NEGR1: variants seen among roughly 807,000 people sequenced by gnomAD.
NEGR1 encodes the protein IgLON family member 4.
NEGR1 carries 10 observed loss-of-function variants against 40.9 expected under a neutral mutation model. That is an observed-to-expected ratio of 0.24 (90% CI 0.15 to 0.42). The LOEUF is 0.42. NEGR1 is among the 10% of genes least tolerant of loss of function. The pLI, the probability that NEGR1 is intolerant of heterozygous loss-of-function variation, is 1.00. For synonymous variants in NEGR1, 185 were observed against 166.8 expected (o/e 1.11, Z -0.84); for missense variants, 352 against 438.9 (o/e 0.80, Z 1.77).
chr1:71,848,595 C>A (rs1157668825), intron 2 of NEGR1, among the ~76,000 whole-genome samples: 1 of 152,098 alleles, frequency 6.6e-6, no homozygotes, highest in African/African-American at 2.4e-5. Flanking sequence ...ATATTTAAGC[C>A]CACTGTTGAG....
chr1:71,828,602 T>C (rs1488959612), intron 2 of NEGR1, among the ~76,000 whole-genome samples: 1 of 151,920 alleles, frequency 6.6e-6, no homozygotes, highest in East Asian at 1.9e-4. Flanking sequence ...TTTCACTGTC[T>C]TTTCACTCTT....
intron 6 of NEGR1, among the ~76,000 whole-genome samples, chr1:71,528,865 T>A (rs1044286862): frequency 6.6e-5 from 10 of 151,218 alleles, no homozygotes; most frequent in African/African-American, 2.2e-4. Flanking sequence ...TTAAAAATGA[T>A]CTTAAAACAC....
intron 4 of NEGR1, among the ~76,000 whole-genome samples, chr1:71,694,622 T>A (rs1305500847): frequency 6.6e-6 from 1 of 151,750 alleles, no homozygotes; most frequent in Non-Finnish European, 1.5e-5. Context: ...GTGACAGGTA[T>A]GATGTTATTT....
At chr1:71,778,586 C>T (rs1291499628) in intron 2 of NEGR1, among the ~76,000 whole-genome samples, 2 of 152,042 alleles carry the variant, frequency 1.3e-5, no homozygotes, top group East Asian at 1.9e-4. Flanking sequence ...CATAGCAGTG[C>T]CCACTATTAA....
At chr1:72,278,894 A>G (rs1656153073) in intron 1 of NEGR1, among the ~76,000 whole-genome samples, 1 of 152,150 alleles carries the variant, frequency 6.6e-6, no homozygotes, top group Admixed American at 6.5e-5. Context: ...TATTTTAGAC[A>G]TCATATATTT....
intron 6 of NEGR1, among the ~76,000 whole-genome samples, chr1:71,445,402 G>C (rs1443528818): frequency 6.6e-6 from 1 of 151,064 alleles, no homozygotes; most frequent in Non-Finnish European, 1.5e-5. Flanking sequence ...AATTTTCTAT[G>C]GAGCCCTAGA....
At chr1:71,976,775 A>G (rs1234258957) in intron 1 of NEGR1, among the ~76,000 whole-genome samples, 1 of 152,160 alleles carries the variant, frequency 6.6e-6, no homozygotes, top group Non-Finnish European at 1.5e-5. Flanking sequence ...AATCTCACTG[A>G]CTCTAAAAGT....
At chr1:72,261,283 G>A (rs1003358577) in intron 1 of NEGR1, among the ~76,000 whole-genome samples, 2 of 151,788 alleles carry the variant, frequency 1.3e-5, no homozygotes, top group Non-Finnish European at 2.9e-5. Flanking sequence ...CCAACAGTGT[G>A]GTTTTAACAC....
intron 6 of NEGR1, among the ~76,000 whole-genome samples, chr1:71,489,156 A>G (rs957663518): frequency 2.0e-5 from 3 of 151,862 alleles, no homozygotes; most frequent in Non-Finnish European, 4.4e-5. Flanking sequence ...AAATGAGGCA[A>G]ATATTCCCTT....
At chr1:71,470,049 T>C (rs1447060016) in intron 6 of NEGR1, among the ~76,000 whole-genome samples, 1 of 152,112 alleles carries the variant, frequency 6.6e-6, no homozygotes, top group Non-Finnish European at 1.5e-5. Flanking sequence ...AATGTTTGTG[T>C]GAAATAAAGG....
intron 6 of NEGR1, among the ~76,000 whole-genome samples, chr1:71,503,265 T>A (rs1335154121): frequency 6.6e-6 from 1 of 152,100 alleles, no homozygotes; most frequent in Non-Finnish European, 1.5e-5. Flanking sequence ...AATAATAAAA[T>A]CCCATCCTCA....
At chr1:72,022,054 G>C (rs576999434) in intron 1 of NEGR1, among the ~76,000 whole-genome samples, 3 of 151,986 alleles carry the variant, frequency 2.0e-5, no homozygotes, top group Admixed American at 2.0e-4. Context: ...AGAATGGCGT[G>C]AACCCGGGAG....
At chr1:72,109,230 T>C (rs1218635122) in intron 1 of NEGR1, among the ~76,000 whole-genome samples, 2 of 151,634 alleles carry the variant, frequency 1.3e-5, no homozygotes, top group Admixed American at 6.6e-5. Flanking sequence ...AATATTAAAA[T>C]ACAGCTCCAA....
At chr1:72,070,998 T>C (rs1647440666) in intron 1 of NEGR1, among the ~76,000 whole-genome samples, 1 of 152,118 alleles carries the variant, frequency 6.6e-6, no homozygotes, top group Admixed American at 6.6e-5. Context: ...TTTGCATTTC[T>C]TTTATGTAGT....
chr1:71,628,545 C>T (rs1291130058), intron 4 of NEGR1, among the ~76,000 whole-genome samples: 1 of 151,962 alleles, frequency 6.6e-6, no homozygotes. Context: ...GGTATTTCTC[C>T]TAATGCTATC....
intron 6 of NEGR1, among the ~76,000 whole-genome samples, chr1:71,474,281 ATGTGTGTGTG>A (rs112956217): frequency 1.1e-4 from 16 of 143,644 alleles, no homozygotes; most frequent in East Asian, 1.1e-3. Flanking sequence ...AAACAGGAAA[ATGTGTGTGTG>A]TGTGTGTGTG....
At chr1:72,221,065 G>C (rs1002625904) in intron 1 of NEGR1, among the ~76,000 whole-genome samples, 1 of 151,934 alleles carries the variant, frequency 6.6e-6, no homozygotes, top group South Asian at 2.1e-4. Context: ...ATGTCAGCAT[G>C]GTTGGTTCTT....
intron 2 of NEGR1, among the ~76,000 whole-genome samples, chr1:71,867,768 A>T (rs906942230): frequency 1.3e-5 from 2 of 152,176 alleles, no homozygotes; most frequent in Non-Finnish European, 2.9e-5. Context: ...ATTTTCTATG[A>T]AGTAACTAGG....
chr1:71,803,347 A>C (rs2101750811), intron 2 of NEGR1, among the ~76,000 whole-genome samples: 1 of 152,310 alleles, frequency 6.6e-6, no homozygotes, highest in East Asian at 1.9e-4. Context: ...ATGAAGTCCT[A>C]TAAAAATAAC....
Sources: gnomAD v4.1 joint callset for allele counts (sites outside exome capture counted in the v4.1 genomes callset) on GRCh38, gnomAD v4.1.1 for gene constraint, MANE v1.5 for transcripts, NCBI Gene and HGNC (gene_info 2026-07-23, HGNC 2026-07-21) for gene names.